The following CHLSN variants were observed in gnomAD, a reference collection of about 807,000 sequenced individuals.
CHLSN encodes protein cholesin.
At chr7:1,041,482 T>C in the CHLSN span, among the ~76,000 whole-genome samples, 1 of 152,092 alleles carries the variant, frequency 6.6e-6, no homozygotes, top group Non-Finnish European at 1.5e-5. Context: ...TCCTTACTAA[T>C]GTTACTGCCG....
chr7:1,000,955 C>CAAT, the CHLSN span, among the ~76,000 whole-genome samples: 343 of 152,314 alleles, frequency 2.3e-3, 2 homozygotes, highest in Non-Finnish European at 3.4e-3. Context: ...CTGTAAGGAA[C>CAAT]AATACCCTGA....
the CHLSN span, among the ~76,000 whole-genome samples, chr7:1,069,391 G>A: frequency 1.5e-4 from 18 of 123,364 alleles, no homozygotes; most frequent in African/African-American, 4.6e-4. Context: ...CTCTCCCCAC[G>A]GTCTCCCTCT....
chr7:1,064,241 G>A, the CHLSN span, among the ~76,000 whole-genome samples: 6 of 152,300 alleles, frequency 3.9e-5, no homozygotes, highest in East Asian at 3.9e-4. Context: ...CCGACACAGC[G>A]CCGGGTCCTG....
At chr7:1,123,177 C>T in the CHLSN span, among the ~76,000 whole-genome samples, 2 of 152,232 alleles carry the variant, frequency 1.3e-5, no homozygotes, top group African/African-American at 4.8e-5. This position sits in a 1 kb window ranked among gnomAD's most constrained non-coding sequence, Gnocchi z 4.4. Flanking sequence ...TGAGTGCACC[C>T]GGCCCAGGAG....
chr7:1,104,933 A>C, the CHLSN span, among the ~76,000 whole-genome samples: 1 of 152,246 alleles, frequency 6.6e-6, no homozygotes, highest in South Asian at 2.1e-4. Context: ...TTCCTTGAAT[A>C]AATGTGATGT....
chr7:1,036,150 C>T, the CHLSN span, among the ~76,000 whole-genome samples: 18 of 152,278 alleles, frequency 1.2e-4, no homozygotes, highest in African/African-American at 4.1e-4. Context: ...CCTTTTGGGG[C>T]AGTGAAGCTG....
chr7:1,042,264 G>A, the CHLSN span, among the ~76,000 whole-genome samples: 1 of 152,166 alleles, frequency 6.6e-6, no homozygotes, highest in Non-Finnish European at 1.5e-5. Context: ...ATGACCCCAG[G>A]CCAGGAGCAC....
chr7:1,074,972 G>T, the CHLSN span, among the ~76,000 whole-genome samples: 1 of 152,232 alleles, frequency 6.6e-6, no homozygotes, highest in Non-Finnish European at 1.5e-5. Flanking sequence ...GTGGTGAGCG[G>T]GAGGACGTGT....
At chr7:1,006,123 C>T in the CHLSN span, among the ~76,000 whole-genome samples, 2 of 152,240 alleles carry the variant, frequency 1.3e-5, no homozygotes, top group Admixed American at 1.3e-4. Flanking sequence ...GTGTAACTAC[C>T]ACAGTGGACC....
At chr7:999,434 C>G in the CHLSN span, among the ~76,000 whole-genome samples, 1 of 151,682 alleles carries the variant, frequency 6.6e-6, no homozygotes, top group Non-Finnish European at 1.5e-5. Flanking sequence ...GGCTTACAAT[C>G]GGCTTGCAAT....
chr7:1,045,477 A>C, the CHLSN span: 1 of 152,244 alleles, frequency 6.6e-6, no homozygotes, highest in African/African-American at 2.4e-5. Context: ...AGCATTCAAT[A>C]ACAGAGGGCC....
At chr7:1,091,468 G>A in the CHLSN span, 7 of 467,248 alleles carry the variant, frequency 1.5e-5, 1 homozygote, top group South Asian at 2.0e-4. Flanking sequence ...CCGCAGGGAC[G>A]CCCGCCGGAC....
chr7:1,125,476 C>T, the CHLSN span, among the ~76,000 whole-genome samples: 1 of 152,240 alleles, frequency 6.6e-6, no homozygotes, highest in South Asian at 2.1e-4. Flanking sequence ...ACAAATGTAA[C>T]AAGCCAGCAC....
the CHLSN span, chr7:1,093,878 C>G: frequency 8.9e-6 from 3 of 338,724 alleles, no homozygotes; most frequent in South Asian, 7.0e-5. Flanking sequence ...ATGGGGCACT[C>G]GGGAGAATCC....
At chr7:1,011,871 G>C in the CHLSN span, among the ~76,000 whole-genome samples, 729 of 152,308 alleles carry the variant, frequency 4.8e-3, 4 homozygotes, top group Admixed American at 7.1e-3. Flanking sequence ...AGGCTGAAGA[G>C]TCCCGGTGGG....
At chr7:1,100,759 C>G in the CHLSN span, among the ~76,000 whole-genome samples, 1 of 151,712 alleles carries the variant, frequency 6.6e-6, no homozygotes, top group South Asian at 2.1e-4. Flanking sequence ...TCCACAGGGG[C>G]TTCTTGTGGT....
chr7:997,776 A>C, the CHLSN span: 1 of 1,608,344 alleles, frequency 6.2e-7, no homozygotes, highest in Non-Finnish European at 8.5e-7. Flanking sequence ...CAGGTAGGCC[A>C]GCAGGGTGGA....
At chr7:1,090,606 G>A in the CHLSN span, among the ~76,000 whole-genome samples, 1 of 147,666 alleles carries the variant, frequency 6.8e-6, no homozygotes, top group Non-Finnish European at 1.5e-5. Context: ...TGGCGGCAGA[G>A]CCAGGGTGAC....
chr7:1,118,928 A>G, the CHLSN span, among the ~76,000 whole-genome samples: 1 of 151,900 alleles, frequency 6.6e-6, no homozygotes, highest in Non-Finnish European at 1.5e-5. Context: ...GTATAACAAG[A>G]CAATGGAATA....
Sources: allele counts gnomAD v4.1 joint callset (sites outside exome capture counted in the v4.1 genomes callset), GRCh38; gene constraint gnomAD v4.1.1; non-coding constraint Gnocchi (gnomAD v3.1); transcripts MANE v1.5; gene names NCBI Gene and HGNC (gene_info 2026-07-23, HGNC 2026-07-21).